Variants in CACNA2D4 observed in about 807,000 individuals in gnomAD.
CACNA2D4 encodes the protein voltage-dependent calcium channel subunit alpha-2/delta-4.
CACNA2D4 carries 157 observed loss-of-function variants against 163.8 expected under a neutral mutation model. That is an observed-to-expected ratio of 0.96 (90% confidence interval 0.84 to 1.09). The LOEUF is 1.09. Ranked by LOEUF, CACNA2D4 falls within the 50% of genes least tolerant of loss-of-function variation. The pLI is 0.00. For synonymous variants in CACNA2D4, 598 were observed against 586.9 expected, an observed-to-expected ratio of 1.02 and a Z score of -0.27; for missense variants, 1,410 against 1,479.9, an observed-to-expected ratio of 0.95 and a Z score of 0.78.
At chr12:1,909,103 G>T (rs1397506429) in intron 4 of CACNA2D4, among the ~76,000 whole-genome samples, 1 of 152,176 alleles carries the variant, frequency 6.6e-6, no homozygotes, top group African/African-American at 2.4e-5. Context: ...AACTGTCCAA[G>T]ACCACTGCCT....
intron 1 of CACNA2D4, among the ~76,000 whole-genome samples, chr12:1,915,977 A>G (rs1226467018): frequency 6.6e-6 from 1 of 152,108 alleles, no homozygotes; most frequent in East Asian, 1.9e-4. Context: ...GGTGCCCATG[A>G]AGGTTGGGGA....
At position 1,800,377 on chromosome 12, in the gene CACNA2D4, C is replaced by T. The variant is rs1863271949; in HGVS notation, c.2921+9G>A. 1.9e-6 allele frequency: 3 copies of T among 1,613,728 alleles called. No homozygotes were observed. The highest frequency in any genetic ancestry group is 2.5e-6 in the Non-Finnish European group (3 of 1,179,774). On this transcript the variant is annotated intron_variant, in intron 32 of 37. Coordinates refer to ENST00000382722, the MANE Select transcript of CACNA2D4 (RefSeq NM_172364.5). ...GCCCTCCACCAGCCCCGTGTCTACC[C>T]CCACTCACAGCACCAGCTCCTGCAG...
At position 1,838,468 on chromosome 12, in the gene CACNA2D4, T is replaced by C. The variant is rs543570173; in HGVS notation, c.2551+2271A>G. ...CTACAGGCTCCAGCTGGCCCCAGGA[T>C]CAGGGAGGCTGAGCCACAGGCCAGG... On this transcript the variant is annotated intron_variant, in intron 26 of 37. Transcript: ENST00000382722. 5.3e-5 allele frequency among the ~76,000 whole-genome samples: 8 copies of C among 152,178 alleles called. No individual in the cohort carries two copies. The East Asian group carries it at 1.2e-3, about 22-fold the overall frequency.
At chr12:1,870,922 G>GT (rs1360707270) in intron 18 of CACNA2D4, among the ~76,000 whole-genome samples, 1 of 152,232 alleles carries the variant, frequency 6.6e-6, no homozygotes, top group Non-Finnish European at 1.5e-5. Flanking sequence ...GAAAGACAGT[G>GT]TAAGAGCACG....
chr12:1,858,463 C>G, intron 20 of CACNA2D4, 114 bp downstream of exon 20: 2 of 881,608 alleles, frequency 2.3e-6, no homozygotes, highest in Non-Finnish European at 3.7e-6. Context: ...GCTCTGGAGC[C>G]TGGGAGCTGG....
intron 18 of CACNA2D4, among the ~76,000 whole-genome samples, chr12:1,873,226 T>C (rs1330807649): frequency 6.6e-6 from 1 of 152,216 alleles, no homozygotes; most frequent in Non-Finnish European, 1.5e-5. Context: ...CCATGGAACG[T>C]CCATTATGGT....
At chr12:1,913,362 G>T (rs1008412741) in intron 2 of CACNA2D4, among the ~76,000 whole-genome samples, 1 of 152,168 alleles carries the variant, frequency 6.6e-6, no homozygotes, top group Non-Finnish European at 1.5e-5. Context: ...TGCTCTAGAC[G>T]CATTGCAGTT....
At chr12:1,861,323 C>A (rs755335724) in intron 18 of CACNA2D4, among the ~76,000 whole-genome samples, 12 of 152,232 alleles carry the variant, frequency 7.9e-5, no homozygotes, top group Non-Finnish European at 1.2e-4. Context: ...CTCTCTGTAG[C>A]TTCTCTCTAT....
chr12:1,915,646 G>A (rs1268824358), intron 1 of CACNA2D4, among the ~76,000 whole-genome samples: 3 of 152,234 alleles, frequency 2.0e-5, no homozygotes, highest in East Asian at 1.9e-4. Flanking sequence ...CAGGCCAGGA[G>A]GGCATAAGGA....
At chr12:1,830,750 T>A (rs6489332) in intron 26 of CACNA2D4, among the ~76,000 whole-genome samples, 8,234 of 152,302 alleles carry the variant, frequency 0.054, 693 homozygotes, top group African/African-American at 0.17. Context: ...TCCATTAATA[T>A]GGAAGTGGCT....
chr12:1,811,541 G>A, intron 27 of CACNA2D4, 121 bp downstream of exon 27: 1 of 1,002,694 alleles, frequency 1.0e-6, no homozygotes, highest in Non-Finnish European at 1.5e-6. Context: ...AAGTGTAGGG[G>A]CCGGGAGGGC....
At chr12:1,913,488 C>T (rs1565743540) in intron 2 of CACNA2D4, among the ~76,000 whole-genome samples, 1 of 152,242 alleles carries the variant, frequency 6.6e-6, no homozygotes, top group Admixed American at 6.5e-5. Flanking sequence ...GCATCCCCAG[C>T]CATGTCCTTT....
chr12:1,811,600 G>T (rs1863711605), intron 27 of CACNA2D4, 62 bp downstream of exon 27: 10 of 1,491,344 alleles, frequency 6.7e-6, no homozygotes, highest in Admixed American at 2.0e-5. Flanking sequence ...GGGAGAGGGG[G>T]TCTCACACCC....
rs767498556 is a variant in CACNA2D4 at position 1,909,892 on chromosome 12, G to A, written c.486+14C>T. On this transcript the variant is annotated intron_variant, in intron 4 of 37. Coordinates refer to ENST00000382722, the MANE Select transcript of CACNA2D4 (RefSeq NM_172364.5). The stretch of plus-strand genomic sequence containing the variant: ...TCCTGGCCCTCTGGCACCAGTGCCA[G>A]GAGTGGGACTCACCACCAGGGATTC... 5 of 1,612,846 alleles carry A rather than the reference G, an allele frequency of 3.1e-6. No homozygotes were observed. The highest frequency in any genetic ancestry group is 1.3e-5 in the African/African-American group (1 of 75,036).
chr12:1,878,895 G>A lies in CACNA2D4; in HGVS notation c.1644+61C>T, dbSNP rs888187528. On this transcript the variant is annotated intron_variant, in intron 15 of 37. Transcript: ENST00000382722. This position sits in a 1 kb window ranked among gnomAD's most constrained non-coding sequence, Gnocchi z 4.6. ...TTGCCTGGAGAGAGGCTCCCATCACGGGGGAGGGAGTTTGCTCCTGGGGAA... is the reference window on the plus strand; with the variant it reads ...TTGCCTGGAGAGAGGCTCCCATCACAGGGGAGGGAGTTTGCTCCTGGGGAA... 4.1e-5 allele frequency: 61 copies of A among 1,474,120 alleles called. No homozygotes were observed. The Admixed American group carries it at 9.7e-4, about 23-fold the overall frequency. 91.3% of individuals were successfully genotyped at this position (1,474,120 alleles called of 1,614,324 possible).
chr12:1,879,818 T>C lies in CACNA2D4; in HGVS notation c.1549A>G (p.Lys517Glu). 1 of 1,601,966 alleles carries C rather than the reference T, an allele frequency of 6.2e-7. No homozygotes were observed. Among genetic ancestry groups the C allele is most frequent in the South Asian group, 1.1e-5 (1 of 88,282 alleles). Residue 517 changes from lysine (K) to glutamate (E), a missense_variant, in exon 14 of 38, where the codon AAG (lysine) becomes GAG (glutamate). By Grantham distance (56) the Lys-to-Glu change is moderately conservative. Coordinates refer to ENST00000382722, the MANE Select transcript of CACNA2D4 (RefSeq NM_172364.5). ...LTTVAMPVFS[K>E]KNETRSHGIL... ...CGGCCACTCACCGTTTCGTTCTTCTTGCTGAAGACTGGCATGGCCACAGTG... is the reference window on the plus strand; with the variant it reads ...CGGCCACTCACCGTTTCGTTCTTCTCGCTGAAGACTGGCATGGCCACAGTG...
rs1012417988 is a variant in CACNA2D4 at position 1,798,491 on chromosome 12, G to A, written c.2996-956C>T. ...AGCTGGCGTGCAGAAAACTCTCACC[G>A]AGAGGAGCAAGCCCACAGCGGCCAG... On this transcript the variant is annotated intron_variant, in intron 34 of 37. Transcript: ENST00000382722. The surrounding 1 kb of genome is among the most constrained non-coding windows in gnomAD (Gnocchi z 4.3). Among the ~76,000 whole-genome samples the A allele has an allele frequency of 2.0e-5, 3 of 152,124 alleles. No homozygotes were observed. Among genetic ancestry groups the A allele is most frequent in the East Asian group, 1.9e-4 (1 of 5,174 alleles).
In CACNA2D4 at chr12:1,833,463, C is replaced by T. The variant is rs1174791965; in HGVS notation, c.2551+7276G>A. Among the ~76,000 whole-genome samples the T allele has an allele frequency of 6.6e-6, 1 of 152,176 alleles. No homozygotes were observed. Among genetic ancestry groups the T allele is most frequent in the African/African-American group, 2.4e-5 (1 of 41,428 alleles). On this transcript the variant is annotated intron_variant, in intron 26 of 37. Transcript: ENST00000382722. This position sits in a 1 kb window ranked among gnomAD's most constrained non-coding sequence, Gnocchi z 4.2. ...TCCCTCTGTCCAAGCCAGCCTCCAC[C>T]ATCATCATGAAGACATCCTGGCGAG... is the stretch of plus-strand genomic sequence containing the variant.
intron 4 of CACNA2D4, among the ~76,000 whole-genome samples, chr12:1,908,926 C>T (rs1404643846): frequency 2.0e-5 from 3 of 152,184 alleles, no homozygotes; most frequent in Non-Finnish European, 2.9e-5. Context: ...CAGGTTCCTG[C>T]ACCCCACACC....
Sources: gnomAD v4.1 joint callset for allele counts (sites outside exome capture counted in the v4.1 genomes callset) on GRCh38, gnomAD v4.1.1 for gene constraint, Gnocchi (gnomAD v3.1) non-coding constraint, MANE v1.5 for transcripts, NCBI Gene and HGNC (gene_info 2026-07-23, HGNC 2026-07-21) for gene names.